Variants in EDEM1 observed in about 807,000 individuals in gnomAD.
The protein encoded by EDEM1 is ER degradation-enhancing alpha-mannosidase-like protein 1.
A neutral mutation model predicts 74.4 loss-of-function variants in EDEM1; 67 were observed. That is an observed-to-expected ratio of 0.90 (90% confidence interval 0.74 to 1.10). The LOEUF (loss-of-function observed/expected upper bound fraction) is 1.10, where lower values mean the gene tolerates loss of function less well. Ranked by LOEUF, EDEM1 falls within the 50% of genes least tolerant of loss-of-function variation. The probability of loss-of-function intolerance (pLI) is 0.00; values close to 1 mark genes in which losing one functional copy is unlikely to be tolerated. For synonymous variants in EDEM1, 382 were observed against 335.9 expected (o/e 1.14, Z -1.50); for missense variants, 926 against 851.6 (o/e 1.09, Z -1.09).
chr3:5,188,007 G>A lies in EDEM1; in HGVS notation c.202G>A (p.Gly68Arg), dbSNP rs2054847357. 4.0e-6 allele frequency: 6 copies of A among 1,492,508 alleles called. No individual in the cohort carries two copies. Among genetic ancestry groups the A allele is most frequent in the Non-Finnish European group, 5.3e-6 (6 of 1,123,988 alleles). 92.5% of individuals were successfully genotyped at this position (1,492,508 alleles called of 1,614,324 possible). A position where few individuals can be genotyped will look rare whatever the true frequency, so the allele number is the denominator to read the frequency against. ...CGTGGGCCGGCCTGGGGGGGTATCC[G>A]GGCCGTCGTGGCTGCAGCCGCCGGG... ...GPVGRPGGVS[G>R]PSWLQPPGTG... The change falls in exon 1 of 12, where the codon GGG becomes AGG. Residue 68 changes from glycine to arginine, a missense_variant. Gly to Arg is a moderately radical substitution (Grantham distance 125). Coordinates refer to ENST00000256497, the MANE Select transcript of EDEM1 (RefSeq NM_014674.3).
intron 6 of EDEM1, among the ~76,000 whole-genome samples, chr3:5,205,621 G>C (rs2055086817): frequency 6.6e-6 from 1 of 152,210 alleles, no homozygotes; most frequent in Non-Finnish European, 1.5e-5. Flanking sequence ...GGCTCACTTT[G>C]GTTGCTGGCA....
chr3:5,199,527 C>T, intron 2 of EDEM1, 65 bp from the exon 3 acceptor site: 1 of 1,211,732 alleles, frequency 8.3e-7, no homozygotes, highest in Non-Finnish European at 1.2e-6. Context: ...GACTGGGCTG[C>T]TGTGATGATA....
intron 3 of EDEM1, among the ~76,000 whole-genome samples, chr3:5,201,244 A>G (rs1204785582): frequency 2.0e-5 from 3 of 151,854 alleles, no homozygotes; most frequent in Non-Finnish European, 4.4e-5. Context: ...TTCAATTTCT[A>G]GGTTCAAGAG....
chr3:5,215,409 C>T (rs2055221805), intron 11 of EDEM1, among the ~76,000 whole-genome samples: 1 of 152,174 alleles, frequency 6.6e-6, no homozygotes, highest in Non-Finnish European at 1.5e-5. Context: ...GAAATGTTTT[C>T]TGAAATTCTG....
chr3:5,206,641 G>A (rs2055100506), intron 6 of EDEM1, among the ~76,000 whole-genome samples: 1 of 152,174 alleles, frequency 6.6e-6, no homozygotes, highest in African/African-American at 2.4e-5. Flanking sequence ...TATGTGCTAT[G>A]TTTAAGTAAG....
rs1317526601 is a variant in EDEM1, at chr3:5,188,077, G to T, written c.272G>T (p.Gly91Val). Residue 91 changes from glycine to valine, a missense_variant, in exon 1 of 12, where the codon GGG becomes GTG. Transcript: ENST00000256497. The stretch of plus-strand genomic sequence containing the variant: ...CCGCGCAAGGCTCCGCGGCGTCCTG[G>T]GCCGGGGATGTGCGGCCCAGCCAAC... Reference protein sequence around the residue: ...QSPRKAPRRPGPGMCGPANWG... With the variant: ...QSPRKAPRRPVPGMCGPANWG... 1 of 1,484,884 alleles carries T rather than the reference G, an allele frequency of 6.7e-7. No homozygotes were observed. Among genetic ancestry groups the T allele is most frequent in the South Asian group, 1.3e-5 (1 of 76,098 alleles). 92.0% of individuals were successfully genotyped at this position (1,484,884 alleles called of 1,614,324 possible). A position where few individuals can be genotyped will look rare whatever the true frequency, so the allele number is the denominator to read the frequency against.
At position 5,207,241 on chromosome 3, in the gene EDEM1, G is replaced by A. The variant is rs1286194217; in HGVS notation, c.1306G>A (p.Asp436Asn). The change falls in exon 7 of 12, where the codon GAC becomes AAC. Residue 436 changes from aspartate (D) to asparagine (N), a missense_variant. Transcript: ENST00000256497. ...FSGQLMNTWI[D>N]SLQAFFPGLQ... is the part of the protein sequence containing the mutation. ...TGGGCAGCTGATGAACACCTGGATTGACTCTCTGCAGGCCTTTTTCCCTGG... is the reference window on the plus strand; with the variant it reads ...TGGGCAGCTGATGAACACCTGGATTAACTCTCTGCAGGCCTTTTTCCCTGG... 1.9e-6 allele frequency: 3 copies of A among 1,614,114 alleles called. No homozygotes were observed. Among genetic ancestry groups the A allele is most frequent in the East Asian group, 4.5e-5 (2 of 44,866 alleles).
intron 7 of EDEM1, 70 bp from the exon 8 acceptor site, chr3:5,208,023 G>A: frequency 1.3e-6 from 2 of 1,494,270 alleles, no homozygotes; most frequent in South Asian, 2.9e-5. Flanking sequence ...AGCCCAGGCA[G>A]GCCCTTTGTG....
chr3:5,218,826 G>C lies in EDEM1; in HGVS notation c.*2908G>C, dbSNP rs1002390788. 6 of 152,118 alleles carry C rather than the reference G, an allele frequency of 3.9e-5. No homozygotes were observed. The highest frequency in any genetic ancestry group is 1.4e-4 in the African/African-American group (6 of 41,438). 9.4% of individuals were successfully genotyped at this position (152,118 alleles called of 1,614,324 possible). On this transcript the variant is annotated 3_prime_UTR_variant, in exon 12 of 12. Coordinates refer to ENST00000256497, the MANE Select transcript of EDEM1 (RefSeq NM_014674.3). The stretch of plus-strand genomic sequence containing the variant: ...TGGCCATTGTGAAAAACCAGCTTCT[G>C]TATTCAAATCTTTCCTTCATTTTTT...
At chr3:5,201,366 G>T (rs2055032595) in intron 3 of EDEM1, among the ~76,000 whole-genome samples, 1 of 151,844 alleles carries the variant, frequency 6.6e-6, no homozygotes, top group South Asian at 2.1e-4. Flanking sequence ...TGTTGCCCAG[G>T]CTAGTCTTGA....
At chr3:5,200,988 C>T (rs1025024633) in intron 3 of EDEM1, among the ~76,000 whole-genome samples, 1 of 151,440 alleles carries the variant, frequency 6.6e-6, no homozygotes, top group African/African-American at 2.4e-5. Flanking sequence ...CCTTGAACTC[C>T]TGGGCTCAAG....
At chr3:5,188,587 T>C in intron 1 of EDEM1, 1 of 366,120 alleles carries the variant, frequency 2.7e-6, no homozygotes, top group Non-Finnish European at 4.8e-6. Context: ...GTGAGGATAC[T>C]GAGGTCCAGG....
intron 2 of EDEM1, 135 bp downstream of exon 2, chr3:5,195,416 A>G: frequency 2.3e-6 from 1 of 439,234 alleles, no homozygotes; most frequent in Non-Finnish European, 3.9e-6. Context: ...ACTGTTATTT[A>G]TTTTAATGAC....
At chr3:5,202,246 G>A (rs996234407) in intron 4 of EDEM1, among the ~76,000 whole-genome samples, 1 of 152,190 alleles carries the variant, frequency 6.6e-6, no homozygotes, top group Admixed American at 6.5e-5. Context: ...AGCAGTGTGG[G>A]GAGTTTGTCT....
At chr3:5,206,710 C>T (rs1038544253) in intron 6 of EDEM1, among the ~76,000 whole-genome samples, 1 of 152,164 alleles carries the variant, frequency 6.6e-6, no homozygotes, top group Non-Finnish European at 1.5e-5. Flanking sequence ...CTAAATTGAG[C>T]AGTAATCCCC....
chr3:5,200,635 T>A (rs752694070), intron 3 of EDEM1, among the ~76,000 whole-genome samples: 2 of 152,212 alleles, frequency 1.3e-5, no homozygotes, highest in Admixed American at 6.5e-5. Context: ...AAAATTAAAT[T>A]GGTGAAAACC....
At chr3:5,210,770 A>G (rs1402719909) in intron 9 of EDEM1, among the ~76,000 whole-genome samples, 3 of 151,982 alleles carry the variant, frequency 2.0e-5, no homozygotes, top group African/African-American at 4.8e-5. Context: ...TAATAAGTCA[A>G]TTCTCAATAA....
chr3:5,210,111 G>A, intron 8 of EDEM1, 64 bp from the exon 9 acceptor site: 2 of 1,431,076 alleles, frequency 1.4e-6, no homozygotes, highest in Non-Finnish European at 2.0e-6. Flanking sequence ...CAGTCACCAT[G>A]ATGTTTGTCG....
intron 2 of EDEM1, among the ~76,000 whole-genome samples, chr3:5,195,927 T>G (rs2106590332): frequency 6.6e-6 from 1 of 152,368 alleles, no homozygotes; most frequent in Non-Finnish European, 1.5e-5. Flanking sequence ...GTCTGTGTGC[T>G]TCATCTGCTT....
Sources: allele counts gnomAD v4.1 joint callset (sites outside exome capture counted in the v4.1 genomes callset), GRCh38; gene constraint gnomAD v4.1.1; transcripts MANE v1.5; gene names NCBI Gene and HGNC (gene_info 2026-07-23, HGNC 2026-07-21).